ABL2: variants seen among roughly 807,000 people sequenced by gnomAD.
ABL2 encodes tyrosine-protein kinase ABL2.
A neutral mutation model predicts 107.7 loss-of-function variants in ABL2; 49 were observed. The observed-to-expected ratio is 0.45, with a 90% CI of 0.36 to 0.58. The LOEUF (loss-of-function observed/expected upper bound fraction) is 0.58. Ranked by LOEUF, ABL2 falls within the 20% of genes least tolerant of loss-of-function variation. ABL2 has a pLI of 0.00. For synonymous variants in ABL2, 549 were observed against 548.6 expected (o/e 1.00, Z -0.01); for missense variants, 1,245 against 1,457.0 (o/e 0.85, Z 2.37).
At chr1:179,110,563 T>C in intron 10 of ABL2, 108 bp from the exon 11 acceptor site, 1 of 1,511,618 alleles carries the variant, frequency 6.6e-7, no homozygotes, top group Non-Finnish European at 8.8e-7. Flanking sequence ...AGTAGAGTAC[T>C]AAAATACATA....
intron 1 of ABL2, among the ~76,000 whole-genome samples, chr1:179,209,096 G>A (rs1465403717): frequency 6.6e-6 from 1 of 152,202 alleles, no homozygotes; most frequent in Non-Finnish European, 1.5e-5. Context: ...GGAAACAGCA[G>A]AAGCAAAGAG....
chr1:179,123,767 CCA>C (rs1655455369), intron 4 of ABL2, among the ~76,000 whole-genome samples: 1 of 151,998 alleles, frequency 6.6e-6, no homozygotes, highest in Admixed American at 6.5e-5. Flanking sequence ...GTAGCTAGGA[CCA>C]CAGACATATG....
At chr1:179,146,888 C>G (rs59782156) in intron 1 of ABL2, among the ~76,000 whole-genome samples, 2 of 152,076 alleles carry the variant, frequency 1.3e-5, no homozygotes, top group East Asian at 3.9e-4. Flanking sequence ...GGGAAAAGCT[C>G]TCCATATCCT....
At chr1:179,185,672 T>C (rs1266737284) in intron 1 of ABL2, among the ~76,000 whole-genome samples, 1 of 152,020 alleles carries the variant, frequency 6.6e-6, no homozygotes, top group African/African-American at 2.4e-5. Flanking sequence ...GTATGTAAGT[T>C]TGAGTTAAAA....
At chr1:179,138,295 T>C (rs2791943) in intron 1 of ABL2, among the ~76,000 whole-genome samples, 52,121 of 151,964 alleles carry the variant, frequency 0.34, 9,398 homozygotes, top group East Asian at 0.49. Context: ...GACAAGGTCT[T>C]GCCGTGTTGT....
intron 1 of ABL2, among the ~76,000 whole-genome samples, chr1:179,138,872 C>T (rs1158873158): frequency 6.6e-6 from 1 of 152,240 alleles, no homozygotes; most frequent in African/African-American, 2.4e-5. Context: ...GGGCTGCCTG[C>T]CGCGCTTGCG....
intron 1 of ABL2, among the ~76,000 whole-genome samples, chr1:179,144,640 G>C (rs1657867081): frequency 6.6e-6 from 1 of 151,870 alleles, no homozygotes; most frequent in South Asian, 2.1e-4. Flanking sequence ...AAAATAAAAT[G>C]GTAACTTAAC....
chr1:179,126,036 A>G lies in ABL2; in HGVS notation c.687+341T>C, dbSNP rs1655692436. ...CTGGTAGATATTATTCTAATTTTCA[A>G]TGATACAATGTTAACTGATAAACTC... On this transcript the variant is annotated intron_variant, in intron 4 of 11. Coordinates refer to ENST00000502732, the MANE Select transcript of ABL2 (RefSeq NM_007314.4). The surrounding 1 kb of genome is among the most constrained non-coding windows in gnomAD (Gnocchi z 4.4). Among the ~76,000 whole-genome samples the G allele has an allele frequency of 1.3e-5, 2 of 152,232 alleles. No homozygotes were observed. Among genetic ancestry groups the G allele is most frequent in the Non-Finnish European group, 2.9e-5 (2 of 68,048 alleles).
At chr1:179,201,845 C>CA in intron 1 of ABL2, 1 of 1,278,308 alleles carries the variant, frequency 7.8e-7, no homozygotes, top group Non-Finnish European at 1.1e-6. Context: ...CAGAAGAAGA[C>CA]AAAAGGACTC....
At chr1:179,153,627 A>T (rs988679893) in intron 1 of ABL2, among the ~76,000 whole-genome samples, 1 of 152,174 alleles carries the variant, frequency 6.6e-6, no homozygotes, top group African/African-American at 2.4e-5. Context: ...GGTCCAACTC[A>T]ATAATCCAGG....
chr1:179,151,134 TACTC>T (rs1463587711), intron 1 of ABL2, among the ~76,000 whole-genome samples: 4 of 152,202 alleles, frequency 2.6e-5, no homozygotes, highest in African/African-American at 9.7e-5. Context: ...TTTATGGTGA[TACTC>T]ACTTCATTGC....
intron 1 of ABL2, among the ~76,000 whole-genome samples, chr1:179,156,135 C>A (rs893400489): frequency 6.6e-6 from 1 of 152,176 alleles, no homozygotes; most frequent in Non-Finnish European, 1.5e-5. Flanking sequence ...AAAACAGGTT[C>A]TTCTTGTTTC....
rs1454167707 is a variant in ABL2, at chr1:179,201,849, AG to A, written c.157+27391del. The A allele has an allele frequency of 3.1e-6, 4 of 1,290,504 alleles. No homozygotes were observed. In the African/African-American group the frequency reaches 6.0e-5, roughly 19 times the overall value. 79.9% of individuals were successfully genotyped at this position (1,290,504 alleles called of 1,614,324 possible). The stretch of plus-strand genomic sequence containing the variant: ...TAACATGGTGACAGAAGAAGACAAA[AG>A]GACTCTTTGAGACATCAAGACCCTC... On this transcript the variant is annotated intron_variant, in intron 1 of 11. Coordinates refer to ENST00000502732, the MANE Select transcript of ABL2 (RefSeq NM_007314.4).
At chr1:179,109,732 T>A (rs1653851250) in intron 11 of ABL2, among the ~76,000 whole-genome samples, 2 of 151,950 alleles carry the variant, frequency 1.3e-5, no homozygotes, top group South Asian at 4.2e-4. Flanking sequence ...ATCAAGACCA[T>A]CCTGGCTAAC....
intron 1 of ABL2, among the ~76,000 whole-genome samples, chr1:179,133,747 T>A (rs1441397689): frequency 6.6e-6 from 1 of 152,146 alleles, no homozygotes; most frequent in Non-Finnish European, 1.5e-5. Context: ...TAGTACCAAA[T>A]CCACTATATA....
intron 1 of ABL2, among the ~76,000 whole-genome samples, chr1:179,227,554 G>A (rs546546824): frequency 2.0e-5 from 3 of 152,146 alleles, no homozygotes; most frequent in Admixed American, 6.5e-5. Flanking sequence ...TAAAGCAAGA[G>A]GATCACCATT....
At chr1:179,145,002 T>A (rs1014446309) in intron 1 of ABL2, among the ~76,000 whole-genome samples, 1 of 152,146 alleles carries the variant, frequency 6.6e-6, no homozygotes, top group East Asian at 1.9e-4. Context: ...ATAGCATAAT[T>A]TGGAATAAAG....
At chr1:179,123,511 A>C (rs1196561301) in intron 4 of ABL2, among the ~76,000 whole-genome samples, 1 of 152,222 alleles carries the variant, frequency 6.6e-6, no homozygotes, top group African/African-American at 2.4e-5. Flanking sequence ...TCTAAAAAAA[A>C]GAAAAGAGCC....
chr1:179,226,043 CAAAAAAAAAA>C (rs1194438803), intron 1 of ABL2, among the ~76,000 whole-genome samples: 43 of 45,688 alleles, frequency 9.4e-4, no homozygotes, highest in Admixed American at 2.1e-3. Context: ...GACTCCGCCT[CAAAAAAAAAA>C]AAAAAAAAAA....
Sources: allele counts gnomAD v4.1 joint callset (sites outside exome capture counted in the v4.1 genomes callset), GRCh38; gene constraint gnomAD v4.1.1; non-coding constraint Gnocchi (gnomAD v3.1); transcripts MANE v1.5; gene names NCBI Gene and HGNC (gene_info 2026-07-23, HGNC 2026-07-21).